NOTCH3: variants seen among roughly 807,000 people sequenced by gnomAD.
The protein encoded by NOTCH3 is notch receptor 3.
In NOTCH3, 86 loss-of-function variants were observed where a neutral mutation model predicts 213.3. The observed-to-expected ratio is 0.40, with a 90% confidence interval of 0.34 to 0.48. NOTCH3 has a LOEUF of 0.48. Ranked by LOEUF, NOTCH3 falls within the 20% of genes least tolerant of loss-of-function variation. NOTCH3 has a pLI of 0.57. For synonymous variants in NOTCH3, 1,354 were observed against 1,355.9 expected, an observed-to-expected ratio of 1.00 and a Z score of 0.03; for missense variants, 2,783 against 3,272.6, an observed-to-expected ratio of 0.85 and a Z score of 3.65.
chr19:15,162,437 A>T (rs4809029), intron 32 of NOTCH3, 28 bp downstream of exon 32: 1 of 1,547,362 alleles, frequency 6.5e-7, no homozygotes, highest in Non-Finnish European at 8.9e-7. Context: ...CACTGCTGAC[A>T]CCCAGTGGAC....
In NOTCH3 at chr19:15,159,461, G is replaced by A. The variant is rs2046622082; in HGVS notation, c.*1201C>T. 5.3e-6 allele frequency: 1 copy of A among 188,316 alleles called. No homozygotes were observed. The highest frequency in any genetic ancestry group is 1.9e-4 in the South Asian group (1 of 5,132). 11.7% of individuals were successfully genotyped at this position (188,316 alleles called of 1,614,324 possible). A position where few individuals can be genotyped will look rare whatever the true frequency, so the allele number is the denominator to read the frequency against. On this transcript the variant is annotated 3_prime_UTR_variant, in exon 33 of 33. Coordinates refer to ENST00000263388, the MANE Select transcript of NOTCH3 (RefSeq NM_000435.3). Reference sequence around the variant, plus strand: ...AATCTGATTGGCTCAGCTTAAGTCAGGTGACAACCACTAATCCAATCGGTA... The same window carrying A: ...AATCTGATTGGCTCAGCTTAAGTCAAGTGACAACCACTAATCCAATCGGTA...
intron 32 of NOTCH3, 160 bp downstream of exon 32, chr19:15,162,305 C>A: frequency 1.5e-6 from 1 of 655,842 alleles, no homozygotes; most frequent in Non-Finnish European, 2.7e-6. Flanking sequence ...TTTAAGGGGC[C>A]CCCAAAAACT....
chr19:15,162,657 T>C (rs1228711967), intron 31 of NOTCH3, 95 bp from the exon 32 acceptor site: 1 of 892,138 alleles, frequency 1.1e-6, no homozygotes, highest in Non-Finnish European at 1.8e-6. Flanking sequence ...GGCCTAGGGG[T>C]AGAGGAGGCA....
intron 2 of NOTCH3, among the ~76,000 whole-genome samples, chr19:15,195,186 A>G (rs959598957): frequency 6.6e-6 from 1 of 152,066 alleles, no homozygotes; most frequent in Admixed American, 6.5e-5. Flanking sequence ...CAAACCCTCA[A>G]GTCCCTTCTC....
chr19:15,187,055 C>T, intron 11 of NOTCH3, 50 bp downstream of exon 11: 1 of 1,605,850 alleles, frequency 6.2e-7, no homozygotes, highest in Non-Finnish European at 8.5e-7. Flanking sequence ...ATTCCCAAAC[C>T]CTCTGTGCCC....
At position 15,191,756 on chromosome 19, in the gene NOTCH3, G is replaced by T; in HGVS notation, c.791C>A (p.Pro264His). The T allele has an allele frequency of 4.3e-6, 7 of 1,613,910 alleles. No individual in the cohort carries two copies. Among genetic ancestry groups the T allele is most frequent in the Non-Finnish European group, 5.9e-6 (7 of 1,180,046 alleles). ...GVNTYNCQCP[P>H]EWTGQFCTED... Reference sequence around the variant, plus strand: ...GCCGCAGTGCCCACCTGTCCACTCAGGAGGGCACTGGCAGTTATAGGTGTT... The same window carrying T: ...GCCGCAGTGCCCACCTGTCCACTCATGAGGGCACTGGCAGTTATAGGTGTT... Residue 264 changes from proline to histidine, a missense_variant, in exon 5 of 33, where the codon CCT (proline) becomes CAT (histidine). Pro to His is a moderately conservative substitution (Grantham distance 77). Around this residue, in one of 6 missense-constraint regions of NOTCH3, gnomAD observed 708 missense variants for 906.6 expected, o/e 0.78. Transcript: ENST00000263388.
chr19:15,188,152 A>G, intron 9 of NOTCH3, 83 bp downstream of exon 9: 1 of 1,100,376 alleles, frequency 9.1e-7, no homozygotes, highest in Non-Finnish European at 1.4e-6. Flanking sequence ...TTATCCGCTA[A>G]CGTGGTTTTA....
At chr19:15,189,987 A>G (rs1191378085) in intron 6 of NOTCH3, among the ~76,000 whole-genome samples, 2 of 152,140 alleles carry the variant, frequency 1.3e-5, no homozygotes, top group Non-Finnish European at 2.9e-5. Context: ...TTAAAAATAA[A>G]TTGCAGACCG....
rs2145391506 is a variant in NOTCH3 at position 15,165,604 on chromosome 19, C to A, written c.5668-89G>T. The A allele has an allele frequency of 1.4e-6, 2 of 1,431,836 alleles. No homozygotes were observed. Among genetic ancestry groups the A allele is most frequent in the East Asian group, 2.5e-5 (1 of 40,714 alleles). 88.7% of individuals were successfully genotyped at this position (1,431,836 alleles called of 1,614,324 possible). ...CTAAGTCCCATGAAGTCCCCAACCCCCATACCCCAACCCCTGAAATTGGTG... is the reference window on the plus strand; with the variant it reads ...CTAAGTCCCATGAAGTCCCCAACCCACATACCCCAACCCCTGAAATTGGTG... On this transcript the variant is annotated intron_variant, in intron 30 of 32. Transcript: ENST00000263388. This position sits in a 1 kb window ranked among gnomAD's most constrained non-coding sequence, Gnocchi z 4.7.
intron 31 of NOTCH3, among the ~76,000 whole-genome samples, chr19:15,164,972 C>G (rs1300825538): frequency 1.3e-5 from 2 of 152,054 alleles, no homozygotes; most frequent in Non-Finnish European, 2.9e-5. Context: ...TTTGTAGAAC[C>G]CACTATGTTG....
At chr19:15,180,929 T>C (rs780903368) in intron 18 of NOTCH3, 32 bp downstream of exon 18, 4 of 1,583,832 alleles carry the variant, frequency 2.5e-6, no homozygotes, top group Non-Finnish European at 3.4e-6. Flanking sequence ...CCAGGCAGGC[T>C]CCTCCCCCAG....
rs1224661478 is a variant in NOTCH3 at position 15,159,128 on chromosome 19, C to T, written c.*1534G>A. 1 of 152,104 alleles carries T rather than the reference C, an allele frequency of 6.6e-6. No homozygotes were observed. The highest frequency in any genetic ancestry group is 1.5e-5 in the Non-Finnish European group (1 of 68,040). The allele number at this position is 152,104 out of a possible 1,614,324, so 9.4% of individuals were successfully genotyped here. A position where few individuals can be genotyped will look rare whatever the true frequency, so the allele number is the denominator to read the frequency against. On this transcript the variant is annotated 3_prime_UTR_variant, in exon 33 of 33. Coordinates refer to ENST00000263388, the MANE Select transcript of NOTCH3 (RefSeq NM_000435.3). ...AAGTAAAAGTGAAATTCATGCAGAA[C>T]CATGATCAGATACTTAGAAAGCAAT... is the stretch of plus-strand genomic sequence containing the variant.
chr19:15,180,947 G>T lies in NOTCH3; in HGVS notation c.2994+14C>A. ...GGCAGGCTCCTCCCCCAGGTCCCCAGTAACTCCACCCACCTGGCACTGCGG... is the reference window on the plus strand; with the variant it reads ...GGCAGGCTCCTCCCCCAGGTCCCCATTAACTCCACCCACCTGGCACTGCGG... On this transcript the variant is annotated intron_variant, in intron 18 of 32. Transcript: ENST00000263388. 6.3e-7 allele frequency: 1 copy of T among 1,586,956 alleles called. No individual in the cohort carries two copies. The highest frequency in any genetic ancestry group is 1.1e-5 in the South Asian group (1 of 87,402).
intron 2 of NOTCH3, among the ~76,000 whole-genome samples, chr19:15,192,857 G>A (rs928926628): frequency 6.6e-6 from 1 of 152,170 alleles, no homozygotes; most frequent in African/African-American, 2.4e-5. Context: ...GGAGGTTGCA[G>A]TGAGCCAAGA....
chr19:15,173,504 G>C (rs548746100), intron 25 of NOTCH3, among the ~76,000 whole-genome samples: 3 of 148,826 alleles, frequency 2.0e-5, no homozygotes, highest in South Asian at 2.1e-4. Flanking sequence ...CTGGGCTCAA[G>C]TGATCCTCCA....
Position 15,161,273 on chromosome 19 carries a change from C to T in NOTCH3, c.6355G>A (p.Gly2119Ser). The T allele has an allele frequency of 3.2e-6, 5 of 1,539,594 alleles. No individual in the cohort carries two copies. The highest frequency in any genetic ancestry group is 4.4e-6 in the Non-Finnish European group (5 of 1,145,442). The change falls in exon 33 of 33, where the codon GGT (glycine) becomes AGT (serine). Residue 2119 changes from glycine to serine, a missense_variant. By Grantham distance (56) the Gly-to-Ser change is moderately conservative. Around this residue, in one of 6 missense-constraint regions of NOTCH3, gnomAD observed 441 missense variants for 432.1 expected, o/e 1.02. Coordinates refer to ENST00000263388, the MANE Select transcript of NOTCH3 (RefSeq NM_000435.3). Reference sequence around the variant, plus strand: ...TAGGGCCCCTCAAGGGGGAAGCCACCAGGGGAAGCAGGGGGCCCACCGAAA... The same window carrying T: ...TAGGGCCCCTCAAGGGGGAAGCCACTAGGGGAAGCAGGGGGCCCACCGAAA... ...RPFGGPPASPGGFPLEGPYAA... is the reference protein window; with the variant it reads ...RPFGGPPASPSGFPLEGPYAA...
At chr19:15,190,708 C>G (rs2046920198) in intron 6 of NOTCH3, among the ~76,000 whole-genome samples, 1 of 152,218 alleles carries the variant, frequency 6.6e-6, no homozygotes, top group Non-Finnish European at 1.5e-5. Flanking sequence ...ACCTTAGCAT[C>G]CAGAGTAGCT....
In NOTCH3 at chr19:15,187,312, T is replaced by A; in HGVS notation, c.1633A>T (p.Asn545Tyr). The change falls in exon 11 of 33, where the codon AAC becomes TAC. Residue 545 changes from asparagine to tyrosine, a missense_variant. Transcript: ENST00000263388. The part of the protein sequence containing the change: ...EGFEGTLCDR[N>Y]VDDCSPDPCH... Reference sequence around the variant, plus strand: ...GGGTCAGGGGAGCAGTCGTCCACGTTGCGATCACACAGCGTGCCCTCAAAG... The same window carrying A: ...GGGTCAGGGGAGCAGTCGTCCACGTAGCGATCACACAGCGTGCCCTCAAAG... 6.2e-7 allele frequency: 1 copy of A among 1,613,812 alleles called. No homozygotes were observed. The highest frequency in any genetic ancestry group is 8.5e-7 in the Non-Finnish European group (1 of 1,179,966).
Position 15,187,233 on chromosome 19 carries a change from G to A in NOTCH3, c.1712C>T (p.Ala571Val), listed in dbSNP as rs2145433078. The A allele has an allele frequency of 6.2e-7, 1 of 1,614,138 alleles. No homozygotes were observed. The highest frequency in any genetic ancestry group is 8.5e-7 in the Non-Finnish European group (1 of 1,180,026). ...GCAGCGTGTGCCCGTGTAGCCAGGA[G>A]CACAGGCACATGAGAAGCTGGCGAT... is the stretch of plus-strand genomic sequence containing the variant. ...DGIASFSCAC[A>V]PGYTGTRCES... Residue 571 changes from alanine (A) to valine (V), a missense_variant, in exon 11 of 33, where the codon GCT becomes GTT. This residue lies in a region of NOTCH3 where 708 missense variants were observed against 906.6 expected (regional missense o/e 0.78). Transcript: ENST00000263388.
Sources: allele counts gnomAD v4.1 joint callset (sites outside exome capture counted in the v4.1 genomes callset), GRCh38; gene constraint gnomAD v4.1.1; regional missense constraint gnomAD v4.1.1; non-coding constraint Gnocchi (gnomAD v3.1); transcripts MANE v1.5; gene names NCBI Gene and HGNC (gene_info 2026-07-23, HGNC 2026-07-21).